PTPRS: variants seen among roughly 807,000 people sequenced by gnomAD.
PTPRS encodes the protein receptor-type tyrosine-protein phosphatase S.
Under a neutral mutation model 215.3 loss-of-function variants are expected in PTPRS, and 63 were observed. The ratio of observed to expected loss-of-function variants is 0.29; its 90% CI spans 0.24 to 0.36. The LOEUF is 0.36. PTPRS is among the 10% of genes least tolerant of loss of function. The pLI is 1.00. For synonymous variants in PTPRS, 1,404 were observed against 1,191.4 expected, an observed-to-expected ratio of 1.18 and a Z score of -3.68; for missense variants, 2,258 against 2,825.8, an observed-to-expected ratio of 0.80 and a Z score of 4.56.
At chr19:5,254,052 C>T (rs1303721211) in intron 9 of PTPRS, among the ~76,000 whole-genome samples, 7 of 152,150 alleles carry the variant, frequency 4.6e-5, no homozygotes, top group African/African-American at 1.4e-4. Flanking sequence ...CCTATGCTCT[C>T]ATCACTTTCT....
chr19:5,271,318 T>TAA (rs1054883872), intron 4 of PTPRS, among the ~76,000 whole-genome samples: 23 of 152,040 alleles, frequency 1.5e-4, no homozygotes, highest in Admixed American at 9.8e-4. Flanking sequence ...GGCATTGTGC[T>TAA]AATCTTGCTC....
rs552139098 is a variant in PTPRS, at chr19:5,254,882, T to G, written c.718+1226A>C. Reference sequence around the variant, plus strand: ...TGGTACCCAGCCAGAATGCATACAGTCATCACAGCAGCTGCCATTTTGAGT... The same window carrying G: ...TGGTACCCAGCCAGAATGCATACAGGCATCACAGCAGCTGCCATTTTGAGT... On this transcript the variant is annotated intron_variant, in intron 9 of 37. Transcript: ENST00000262963. 2.0e-5 allele frequency among the ~76,000 whole-genome samples: 3 copies of G among 152,316 alleles called. No homozygotes were observed. In the South Asian group the frequency reaches 6.2e-4, roughly 32 times the overall value.
intron 1 of PTPRS, among the ~76,000 whole-genome samples, chr19:5,336,781 G>C (rs1020098381): frequency 6.7e-6 from 1 of 149,014 alleles, no homozygotes; most frequent in South Asian, 2.2e-4. Flanking sequence ...CCTGGTGAGC[G>C]GTTGGAGGGT....
At position 5,325,042 on chromosome 19, in the gene PTPRS, G is replaced by A. The variant is rs181647295; in HGVS notation, c.-95+15622C>T. Among the ~76,000 whole-genome samples the A allele has an allele frequency of 8.5e-5, 13 of 152,342 alleles. No homozygotes were observed. The East Asian group carries it at 2.3e-3, about 27-fold the overall frequency. ...TTTCTCTTTTCACCTAAGGGAAGCT[G>A]CCAGGTTGGCCATTCAGGGTTATTT... is the stretch of plus-strand genomic sequence containing the variant. On this transcript the variant is annotated intron_variant, in intron 1 of 37. Transcript: ENST00000262963.
intron 17 of PTPRS, among the ~76,000 whole-genome samples, chr19:5,224,695 C>T (rs1217416144): frequency 6.6e-6 from 1 of 152,126 alleles, no homozygotes; most frequent in Non-Finnish European, 1.5e-5. Flanking sequence ...AGCTCTAATA[C>T]AATGTCCCTG....
intron 1 of PTPRS, among the ~76,000 whole-genome samples, chr19:5,322,803 C>T (rs1470151018): frequency 2.2e-5 from 3 of 137,592 alleles, no homozygotes; most frequent in East Asian, 2.2e-4. Context: ...CGCTTGAACC[C>T]GGGAGGTGGA....
At chr19:5,212,564 C>T in intron 30 of PTPRS, 73 bp from the exon 31 acceptor site, 1 of 1,508,026 alleles carries the variant, frequency 6.6e-7, no homozygotes, top group Admixed American at 2.0e-5. Context: ...GCCCAAGTGG[C>T]CGGGTGTGGT....
intron 14 of PTPRS, 121 bp from the exon 15 acceptor site, chr19:5,229,805 C>T: frequency 1.8e-6 from 1 of 554,964 alleles, no homozygotes; most frequent in Non-Finnish European, 2.7e-6. Flanking sequence ...AATAACTGGG[C>T]GCTCTTAGCG....
chr19:5,284,764 C>T (rs1415534962), intron 2 of PTPRS, among the ~76,000 whole-genome samples: 1 of 151,864 alleles, frequency 6.6e-6, no homozygotes, highest in Non-Finnish European at 1.5e-5. Flanking sequence ...CTGGGCAACA[C>T]AGTGAAACCC....
chr19:5,314,741 C>T (rs2049816522), intron 1 of PTPRS, among the ~76,000 whole-genome samples: 2 of 151,896 alleles, frequency 1.3e-5, no homozygotes, highest in African/African-American at 2.4e-5. Context: ...CACTTTGTGC[C>T]TGAGGACAGA....
chr19:5,284,710 G>A (rs2048190989), intron 2 of PTPRS, among the ~76,000 whole-genome samples: 1 of 152,164 alleles, frequency 6.6e-6, no homozygotes, highest in Non-Finnish European at 1.5e-5. Flanking sequence ...ACTTTGGGAG[G>A]CAGAGGCAGG....
At chr19:5,235,877 C>T (rs1339589289) in intron 13 of PTPRS, among the ~76,000 whole-genome samples, 1 of 152,194 alleles carries the variant, frequency 6.6e-6, no homozygotes, top group Non-Finnish European at 1.5e-5. Flanking sequence ...CAGTAAGTCT[C>T]TATGTGTTGC....
Position 5,301,867 on chromosome 19 carries a change from G to A in PTPRS, c.-94-15633C>T, listed in dbSNP as rs1028802889. 3.9e-5 allele frequency among the ~76,000 whole-genome samples: 6 copies of A among 152,034 alleles called. No homozygotes were observed. In the East Asian group the frequency reaches 5.8e-4, roughly 15 times the overall value. On this transcript the variant is annotated intron_variant, in intron 1 of 37. Transcript: ENST00000262963. ...GCAATCTCAGCTCACTGCAACCTCC[G>A]CTTCCTGGGTTCAAGTGATTCTCCC...
rs937040393 is a variant in PTPRS at position 5,220,898 on chromosome 19, T to C, written c.3455+102A>G. On this transcript the variant is annotated intron_variant, in intron 20 of 37. Transcript: ENST00000262963. ...TAGGGCTGATAGGGTCTGTGTTTCA[T>C]AGGCAAGGAAATTGAGGCACAGAGA... The C allele has an allele frequency of 1.2e-5, 16 of 1,384,862 alleles. 1 individual carries two copies. The East Asian group carries it at 1.6e-4, about 14-fold the overall frequency. 85.8% of individuals were successfully genotyped at this position (1,384,862 alleles called of 1,614,324 possible). A position where few individuals can be genotyped will look rare whatever the true frequency, so the allele number is the denominator to read the frequency against.
At chr19:5,267,927 TGA>T (rs550967552) in intron 4 of PTPRS, among the ~76,000 whole-genome samples, 78 of 152,086 alleles carry the variant, frequency 5.1e-4, no homozygotes, top group African/African-American at 1.8e-3. Context: ...CCCAGCACTT[TGA>T]GAGGCCGAGG....
Position 5,229,527 on chromosome 19 carries a change from C to A in PTPRS, c.2313G>T (p.Pro771=). Residue 771 remains proline (P), a synonymous_variant, in exon 15 of 38, where the codon CCG becomes CCT. Coordinates refer to ENST00000262963, the MANE Select transcript of PTPRS (RefSeq NM_002850.4). ...VRMEGAEARG[P]PRIKDVMLAD... is the part of the protein sequence containing the mutation. ...CCAGCATGACGTCCTTGATGCGCGG[C>A]GGCCCGCGGGCCTCGGCGCCCTCCA... 1 of 1,465,080 alleles carries A rather than the reference C, an allele frequency of 6.8e-7. No individual in the cohort carries two copies. Among genetic ancestry groups the A allele is most frequent in the South Asian group, 1.3e-5 (1 of 74,654 alleles). The allele number at this position is 1,465,080 out of a possible 1,614,324, so 90.8% of individuals were successfully genotyped here. A position where few individuals can be genotyped will look rare whatever the true frequency, so the allele number is the denominator to read the frequency against.
rs545658474 is a variant in PTPRS, at chr19:5,206,060, T to TAAAAAAAAA, written c.*705_*713dup. On this transcript the variant is annotated 3_prime_UTR_variant, in exon 38 of 38. Transcript: ENST00000262963. ...CACACTTTCTGATGGTAGGAAAAAT[T>TAAAAAAAAA]AAAAAAAAAAAAAAAAAAAAAAAAG... Among the ~76,000 whole-genome samples, 2 of 70,268 alleles carry TAAAAAAAAA rather than the reference T, an allele frequency of 2.8e-5. No individual in the cohort carries two copies. The highest frequency in any genetic ancestry group is 4.8e-4 in the South Asian group (1 of 2,098). 46.1% of individuals were successfully genotyped at this position (70,268 alleles called of 152,430 possible).
At chr19:5,246,262 G>C (rs1007233113) in intron 9 of PTPRS, among the ~76,000 whole-genome samples, 1 of 151,760 alleles carries the variant, frequency 6.6e-6, no homozygotes, top group Admixed American at 6.6e-5. Context: ...CAAATGAAAA[G>C]AAAACAAAAG....
Position 5,210,825 on chromosome 19 carries a change from G to A in PTPRS, c.5235-20C>T, listed in dbSNP as rs893029506. The A allele has an allele frequency of 1.2e-6, 2 of 1,611,374 alleles. No individual in the cohort carries two copies. The highest frequency in any genetic ancestry group is 1.7e-5 in the Admixed American group (1 of 59,970). On this transcript the variant is annotated intron_variant, in intron 33 of 37. Transcript: ENST00000262963. This position sits in a 1 kb window ranked among gnomAD's most constrained non-coding sequence, Gnocchi z 4.5. ...TGCTGCCTGCAGGCGTTGGGGGTAT[G>A]AGCCCAGGGCCGGCAGGGAGACCCG...
Sources: gnomAD v4.1 joint callset for allele counts (sites outside exome capture counted in the v4.1 genomes callset) on GRCh38, gnomAD v4.1.1 for gene constraint, Gnocchi (gnomAD v3.1) non-coding constraint, MANE v1.5 for transcripts, NCBI Gene and HGNC (gene_info 2026-07-23, HGNC 2026-07-21) for gene names.